The following KCTD15 variants were observed in gnomAD, a reference collection of about 807,000 sequenced individuals.
KCTD15 encodes the protein potassium channel tetramerization domain containing 15.
Under a neutral mutation model 27.2 loss-of-function variants are expected in KCTD15, and 11 were observed. That is an observed-to-expected ratio of 0.41 (90% CI 0.25 to 0.67). The LOEUF (loss-of-function observed/expected upper bound fraction) is 0.67, where lower values mean the gene tolerates loss of function less well. Among genes scored for constraint, KCTD15 ranks in the 30% least tolerant of loss-of-function variants. KCTD15 has a pLI of 0.35. For synonymous variants in KCTD15, 163 were observed against 176.0 expected, an observed-to-expected ratio of 0.93 and a Z score of 0.58; for missense variants, 350 against 409.3, an observed-to-expected ratio of 0.86 and a Z score of 1.25.
intron 6 of KCTD15, chr19:33,812,556 C>T (rs919479266): frequency 3.2e-6 from 4 of 1,262,560 alleles, no homozygotes; most frequent in South Asian, 3.4e-5. Flanking sequence ...TGGGTGGGGT[C>T]GTCCAACTAG....
chr19:33,795,033 C>G (rs1975273793), upstream of KCTD15, among the ~76,000 whole-genome samples: 1 of 152,244 alleles, frequency 6.6e-6, no homozygotes, highest in African/African-American at 2.4e-5. Context: ...GATCCCTGAC[C>G]TACTTCCAGG....
chr19:33,813,416 G>T lies in KCTD15; in HGVS notation c.*468G>T, dbSNP rs1219743206. ...TGCAAAAGTCAGAGAGGCTGACAAG[G>T]ACCAATGCTTCTTTATCTGGTGCTC... On this transcript the variant is annotated 3_prime_UTR_variant, in exon 7 of 7. Coordinates refer to ENST00000683859, the MANE Select transcript of KCTD15 (RefSeq NM_001129994.2). 1 of 458,778 alleles carries T rather than the reference G, an allele frequency of 2.2e-6. No homozygotes were observed. Among genetic ancestry groups the T allele is most frequent in the Non-Finnish European group, 4.4e-6 (1 of 228,420 alleles). 28.4% of individuals were successfully genotyped at this position (458,778 alleles called of 1,614,324 possible).
intron 5 of KCTD15, among the ~76,000 whole-genome samples, chr19:33,809,729 G>T (rs1445423297): frequency 6.6e-6 from 1 of 152,040 alleles, no homozygotes; most frequent in Non-Finnish European, 1.5e-5. Context: ...TTATTATCCT[G>T]GCATGATGGC....
At chr19:33,803,984 A>G (rs1975639108) in intron 4 of KCTD15, among the ~76,000 whole-genome samples, 1 of 152,032 alleles carries the variant, frequency 6.6e-6, no homozygotes, top group South Asian at 2.1e-4. Flanking sequence ...ACCTCATTCC[A>G]TGGAGGACTT....
chr19:33,813,357 T>TC lies in KCTD15; in HGVS notation c.*409_*410insC. 2.1e-6 allele frequency: 1 copy of TC among 475,658 alleles called. No individual in the cohort carries two copies. The highest frequency in any genetic ancestry group is 1.5e-5 in the South Asian group (1 of 64,650). The allele number at this position is 475,658 out of a possible 1,614,324, so 29.5% of individuals were successfully genotyped here. A position where few individuals can be genotyped will look rare whatever the true frequency, so the allele number is the denominator to read the frequency against. On this transcript the variant is annotated 3_prime_UTR_variant, in exon 7 of 7. Coordinates refer to ENST00000683859, the MANE Select transcript of KCTD15 (RefSeq NM_001129994.2). Reference sequence around the variant, plus strand: ...TCCTAGCGTCCGAGAGATGGCTTATTTTCTACAGTATTTAAAATGGATGCA... The same window carrying TC: ...TCCTAGCGTCCGAGAGATGGCTTATTCTTCTACAGTATTTAAAATGGATGCA...
rs748676911 is a variant in KCTD15 at position 33,801,164 on chromosome 19, T to C, written c.67-3T>C. The C allele has an allele frequency of 6.9e-6, 11 of 1,596,942 alleles. No homozygotes were observed. The African/African-American group carries it at 1.3e-4, about 19-fold the overall frequency. On this transcript the variant is annotated splice_polypyrimidine_tract_variant and splice_region_variant and intron_variant, in intron 3 of 6. Coordinates refer to ENST00000683859, the MANE Select transcript of KCTD15 (RefSeq NM_001129994.2). ...TTGTGTTCCGCTTTGTTTCCATCTC[T>C]AGGAGGGAGGAAACATGTCCCGGCT...
intron 5 of KCTD15, among the ~76,000 whole-genome samples, chr19:33,808,156 A>T (rs1975772042): frequency 1.3e-5 from 2 of 152,220 alleles, no homozygotes; most frequent in African/African-American, 4.8e-5. Flanking sequence ...GGCCTGGGGT[A>T]CACTGGCATG....
chr19:33,803,698 G>C (rs891386988), intron 4 of KCTD15, among the ~76,000 whole-genome samples: 1 of 152,018 alleles, frequency 6.6e-6, no homozygotes, highest in Non-Finnish European at 1.5e-5. Context: ...CTGGTGTCCT[G>C]CCTGCTTGAC....
At chr19:33,807,030 C>T in intron 5 of KCTD15, 23 bp downstream of exon 5, 1 of 1,610,718 alleles carries the variant, frequency 6.2e-7, no homozygotes, top group Non-Finnish European at 8.5e-7. Flanking sequence ...CTGGTGGCCC[C>T]CCTGCACTGC....
intron 4 of KCTD15, among the ~76,000 whole-genome samples, chr19:33,803,993 T>A (rs962795318): frequency 9.9e-5 from 15 of 152,136 alleles, no homozygotes; most frequent in African/African-American, 3.1e-4. Flanking sequence ...CATGGAGGAC[T>A]TCGGAAGCCG....
chr19:33,812,792 C>T lies in KCTD15; in HGVS notation c.696C>T (p.Val232=). The T allele has an allele frequency of 7.5e-6, 11 of 1,466,930 alleles. No individual in the cohort carries two copies. The highest frequency in any genetic ancestry group is 1.0e-5 in the Non-Finnish European group (11 of 1,104,444). 90.9% of individuals were successfully genotyped at this position (1,466,930 alleles called of 1,614,324 possible). The change falls in exon 7 of 7, where the codon GTC becomes GTT. Residue 232 remains valine, a splice_region_variant and synonymous_variant. Transcript: ENST00000683859. Reference sequence around the variant, plus strand: ...GACCTCTGTTTCTTCCTGGGCAGGTCCTGGAGCGGCTGTTCCAGAGGGGTT... The same window carrying T: ...GACCTCTGTTTCTTCCTGGGCAGGTTCTGGAGCGGCTGTTCCAGAGGGGTT... ...NGYCRLNSVQ[V]LERLFQRGFS... is the part of the protein sequence containing the mutation.
chr19:33,811,808 G>T, intron 6 of KCTD15: 1 of 1,605,396 alleles, frequency 6.2e-7, no homozygotes, highest in East Asian at 2.2e-5. Flanking sequence ...TATAAAAATG[G>T]CCCAGAGTAT....
Position 33,812,798 on chromosome 19 carries a change from G to A in KCTD15, c.702G>A (p.Glu234=). The A allele has an allele frequency of 6.8e-7, 1 of 1,474,528 alleles. No individual in the cohort carries two copies. The highest frequency in any genetic ancestry group is 1.4e-5 in the African/African-American group (1 of 70,630). 91.3% of individuals were successfully genotyped at this position (1,474,528 alleles called of 1,614,324 possible). Residue 234 remains glutamate (E), a synonymous_variant, in exon 7 of 7, where the codon GAG becomes GAA. Coordinates refer to ENST00000683859, the MANE Select transcript of KCTD15 (RefSeq NM_001129994.2). ...TGTTTCTTCCTGGGCAGGTCCTGGAGCGGCTGTTCCAGAGGGGTTTCAGCG... is the reference window on the plus strand; with the variant it reads ...TGTTTCTTCCTGGGCAGGTCCTGGAACGGCTGTTCCAGAGGGGTTTCAGCG... ...YCRLNSVQVL[E]RLFQRGFSVA...
rs1976034940 is a variant in KCTD15, at chr19:33,814,457, A to G, written c.*1509A>G. ...TGCCTGTCCCCTCAGGGCAGCACAG[A>G]TTCTGAATTCTGATTCACAGTCCCT... On this transcript the variant is annotated 3_prime_UTR_variant, in exon 7 of 7. Coordinates refer to ENST00000683859, the MANE Select transcript of KCTD15 (RefSeq NM_001129994.2). 6.6e-6 allele frequency: 1 copy of G among 152,222 alleles called. No individual in the cohort carries two copies. The highest frequency in any genetic ancestry group is 2.4e-5 in the African/African-American group (1 of 41,446). 9.4% of individuals were successfully genotyped at this position (152,222 alleles called of 1,614,324 possible).
chr19:33,808,639 G>T (rs906758682), intron 5 of KCTD15, among the ~76,000 whole-genome samples: 1 of 151,830 alleles, frequency 6.6e-6, no homozygotes, highest in South Asian at 2.1e-4. Flanking sequence ...AGTGGAAGGG[G>T]TGTGTGCAGG....
chr19:33,811,192 C>CCCCCCCCCCCCCCACACCCATAA, intron 5 of KCTD15, 55 bp from the exon 6 acceptor site: 1 of 406,320 alleles, frequency 2.5e-6, no homozygotes, highest in Non-Finnish European at 4.4e-6. Context: ...TCTCCCCCTT[C>CCCCCCCCCCCCCCACACCCATAA]CCCCACCACC....
intron 4 of KCTD15, among the ~76,000 whole-genome samples, chr19:33,803,709 C>T (rs1316200823): frequency 6.6e-6 from 1 of 152,076 alleles, no homozygotes; most frequent in African/African-American, 2.4e-5. Flanking sequence ...CCTGCTTGAC[C>T]CCCGTTAGCT....
At position 33,813,602 on chromosome 19, in the gene KCTD15, G is replaced by T; in HGVS notation, c.*654G>T. On this transcript the variant is annotated 3_prime_UTR_variant, in exon 7 of 7. Transcript: ENST00000683859. Reference sequence around the variant, plus strand: ...GGGGGCCTGAGGGCTGAGTGATTCTGTAACCACCTGAGACCTTCACGTTTG... The same window carrying T: ...GGGGGCCTGAGGGCTGAGTGATTCTTTAACCACCTGAGACCTTCACGTTTG... 1 of 343,934 alleles carries T rather than the reference G, an allele frequency of 2.9e-6. No individual in the cohort carries two copies. The highest frequency in any genetic ancestry group is 5.7e-6 in the Non-Finnish European group (1 of 175,188). The allele number at this position is 343,934 out of a possible 1,614,324, so 21.3% of individuals were successfully genotyped here.
chr19:33,804,655 G>A (rs1975659473), intron 4 of KCTD15, among the ~76,000 whole-genome samples: 1 of 152,194 alleles, frequency 6.6e-6, no homozygotes, highest in Non-Finnish European at 1.5e-5. Flanking sequence ...AGGAATGCTG[G>A]GTGGCCCTCA....
Sources: allele counts gnomAD v4.1 joint callset (sites outside exome capture counted in the v4.1 genomes callset), GRCh38; gene constraint gnomAD v4.1.1; transcripts MANE v1.5; gene names NCBI Gene and HGNC (gene_info 2026-07-23, HGNC 2026-07-21).